Variants in COBL observed in about 807,000 individuals in gnomAD.
COBL encodes cordon-bleu WH2 repeat protein.
Under a neutral mutation model 98.8 loss-of-function variants are expected in COBL, and 51 were observed. That is an observed-to-expected ratio of 0.52 (90% confidence interval 0.41 to 0.65). The LOEUF is 0.65. Among genes scored for constraint, COBL ranks in the 30% least tolerant of loss-of-function variants. The pLI, the probability that COBL is intolerant of heterozygous loss-of-function variation, is 0.00. For synonymous variants in COBL, 634 were observed against 651.7 expected (o/e 0.97, Z 0.41); for missense variants, 1,617 against 1,617.5 (o/e 1.00, Z 0.01).
chr7:51,272,501 A>G (rs1275028666), intron 1 of COBL, among the ~76,000 whole-genome samples: 2 of 151,998 alleles, frequency 1.3e-5, no homozygotes, highest in East Asian at 3.9e-4. Flanking sequence ...CCTATTTATC[A>G]CTCCATCATG....
At chr7:51,089,306 G>C (rs535917730) in intron 6 of COBL, among the ~76,000 whole-genome samples, 4 of 152,188 alleles carry the variant, frequency 2.6e-5, no homozygotes, top group Admixed American at 1.3e-4. Flanking sequence ...TTGAGGTGAG[G>C]AGTTTTGAGA....
intron 1 of COBL, among the ~76,000 whole-genome samples, chr7:51,297,648 C>G (rs948740849): frequency 1.3e-5 from 2 of 152,122 alleles, no homozygotes; most frequent in African/African-American, 4.8e-5. Flanking sequence ...CCGCCTCAGC[C>G]TCCCAAAGTG....
chr7:51,254,723 T>C (rs1020117010), intron 1 of COBL, among the ~76,000 whole-genome samples: 2 of 152,160 alleles, frequency 1.3e-5, no homozygotes, highest in Admixed American at 6.5e-5. Flanking sequence ...TGCACTGATG[T>C]CTATGAACAC....
At chr7:51,042,874 G>A (rs1789339821) in intron 8 of COBL, among the ~76,000 whole-genome samples, 2 of 152,204 alleles carry the variant, frequency 1.3e-5, no homozygotes, top group Non-Finnish European at 2.9e-5. Flanking sequence ...TGTGCAACAA[G>A]GGGACCTTGC....
chr7:51,036,570 A>T (rs928937474), intron 8 of COBL, among the ~76,000 whole-genome samples: 1 of 152,112 alleles, frequency 6.6e-6, no homozygotes, highest in Non-Finnish European at 1.5e-5. Flanking sequence ...ACAGGCCCTC[A>T]GTCCCATAAG....
chr7:51,262,108 G>A (rs1338065802), intron 1 of COBL, among the ~76,000 whole-genome samples: 2 of 152,188 alleles, frequency 1.3e-5, no homozygotes, highest in African/African-American at 2.4e-5. Flanking sequence ...CAGTGGCAGC[G>A]CTCCTGCCAG....
chr7:51,208,635 G>C (rs1392585351), intron 2 of COBL, among the ~76,000 whole-genome samples: 1 of 152,246 alleles, frequency 6.6e-6, no homozygotes, highest in African/African-American at 2.4e-5. Context: ...GAAAGGTGGG[G>C]AAAAGACTGA....
chr7:51,038,712 G>GC (rs1788872032), intron 8 of COBL, among the ~76,000 whole-genome samples: 1 of 152,198 alleles, frequency 6.6e-6, no homozygotes, highest in Non-Finnish European at 1.5e-5. Flanking sequence ...TTTTCTTGAT[G>GC]ACTGGGACTA....
At chr7:51,312,830 TAACA>T (rs1478214037) in intron 1 of COBL, among the ~76,000 whole-genome samples, 1 of 152,188 alleles carries the variant, frequency 6.6e-6, no homozygotes, top group Admixed American at 6.5e-5. Context: ...ATGCAACACT[TAACA>T]AATACCTTTG....
At chr7:51,251,753 G>A (rs1004276077) in intron 1 of COBL, among the ~76,000 whole-genome samples, 1 of 152,136 alleles carries the variant, frequency 6.6e-6, no homozygotes, top group Admixed American at 6.5e-5. Context: ...GTGATGAGAA[G>A]CAACTGAAAT....
intron 6 of COBL, among the ~76,000 whole-genome samples, chr7:51,130,750 C>T (rs1268365264): frequency 2.0e-5 from 3 of 152,146 alleles, no homozygotes; most frequent in Non-Finnish European, 4.4e-5. Context: ...CTTGATGAAA[C>T]GTGTCTTTGG....
At position 51,193,384 on chromosome 7, in the gene COBL, G is replaced by T. The variant is rs761713497; in HGVS notation, c.451C>A (p.Pro151Thr). The T allele has an allele frequency of 2.5e-6, 4 of 1,614,012 alleles. No homozygotes were observed. The South Asian group carries it at 3.3e-5, about 13-fold the overall frequency. ...CCATGTAGGTACCTACTAACCTCAG[G>T]CACCTTAGGGGGACCAGGCTTAACC... is the stretch of plus-strand genomic sequence containing the variant. ...EKVKPGPPKV[P>T]EKSVRLVVNY... is the part of the protein sequence containing the mutation. The change falls in exon 3 of 13, where the codon CCT (proline) becomes ACT (threonine). Residue 151 changes from proline (P) to threonine (T), a missense_variant. Pro to Thr is a conservative substitution (Grantham distance 38). This residue lies in a region of COBL where 238 missense variants were observed against 215.0 expected (regional missense o/e 1.11). Transcript: ENST00000265136.
rs776768482 is a variant in COBL, at chr7:51,028,720, G to A, written c.2376C>T (p.Pro792=). ...GCGTCTGCGTGGGCACAGGGGTGGA[G>A]GGGGGTCCCCTGGCAGAGCTCTCTG... ...RPSESSARGP[P]STPVPTQTQN... Residue 792 remains proline (P), a synonymous_variant, in exon 10 of 13, where the codon CCC becomes CCT. Transcript: ENST00000265136. The A allele has an allele frequency of 1.9e-6, 3 of 1,613,918 alleles. No individual in the cohort carries two copies. The highest frequency in any genetic ancestry group is 1.7e-4 in the Middle Eastern group (1 of 6,060).
intron 1 of COBL, among the ~76,000 whole-genome samples, chr7:51,293,400 TATACTGTTCATCA>T (rs1416553025): frequency 1.3e-5 from 2 of 152,198 alleles, no homozygotes; most frequent in African/African-American, 4.8e-5. Context: ...TTAATGATGG[TATACTGTTCATCA>T]ATAAAGAGGG....
intron 1 of COBL, among the ~76,000 whole-genome samples, chr7:51,291,423 G>GTC: frequency 6.6e-6 from 1 of 152,180 alleles, no homozygotes; most frequent in Non-Finnish European, 1.5e-5. Context: ...TGTCATTAAG[G>GTC]AATTACTGTC....
At chr7:51,070,316 A>C (rs1016699070) in intron 7 of COBL, among the ~76,000 whole-genome samples, 4 of 151,406 alleles carry the variant, frequency 2.6e-5, no homozygotes, top group Middle Eastern at 3.2e-3. Flanking sequence ...TACCATGGTG[A>C]CTAATAAGGT....
At chr7:51,223,153 T>C (rs369074405) in intron 1 of COBL, among the ~76,000 whole-genome samples, 55 of 152,262 alleles carry the variant, frequency 3.6e-4, no homozygotes, top group African/African-American at 1.2e-3. Context: ...CTTACACGCC[T>C]GGCAGGGCCC....
intron 1 of COBL, among the ~76,000 whole-genome samples, chr7:51,247,361 C>T (rs974246744): frequency 6.6e-6 from 1 of 152,166 alleles, no homozygotes; most frequent in African/African-American, 2.4e-5. Context: ...ACTATCAGAA[C>T]CAGTCTTTTG....
intron 8 of COBL, chr7:51,032,120 C>T (rs1298223825): frequency 2.0e-5 from 3 of 152,246 alleles, no homozygotes; most frequent in Non-Finnish European, 4.4e-5. Flanking sequence ...ACAGAGCTGC[C>T]CAGGTCACAC....
Sources: allele counts gnomAD v4.1 joint callset (sites outside exome capture counted in the v4.1 genomes callset), GRCh38; gene constraint gnomAD v4.1.1; regional missense constraint gnomAD v4.1.1; transcripts MANE v1.5; gene names NCBI Gene and HGNC (gene_info 2026-07-23, HGNC 2026-07-21).